Variants in LMX1A observed in about 807,000 individuals in gnomAD.
The protein encoded by LMX1A is LIM homeobox transcription factor 1 alpha, also known as LIM homeobox transcription factor 1-alpha.
LMX1A carries 15 observed loss-of-function variants against 49.1 expected under a neutral mutation model. That is an observed-to-expected ratio of 0.31 (90% CI 0.20 to 0.47). The LOEUF (loss-of-function observed/expected upper bound fraction) is 0.47, where lower values mean the gene tolerates loss of function less well. Ranked by LOEUF, LMX1A falls within the 20% of genes least tolerant of loss-of-function variation. The probability of loss-of-function intolerance (pLI) is 1.00; values close to 1 mark genes in which losing one functional copy is unlikely to be tolerated. For synonymous variants in LMX1A, 167 were observed against 185.7 expected, an observed-to-expected ratio of 0.90 and a Z score of 0.82; for missense variants, 372 against 475.8, an observed-to-expected ratio of 0.78 and a Z score of 2.03.
At chr1:165,251,536 G>T (rs563424775) in intron 3 of LMX1A, among the ~76,000 whole-genome samples, 1 of 152,244 alleles carries the variant, frequency 6.6e-6, no homozygotes, top group Admixed American at 6.5e-5. Context: ...CAGAAAGAAG[G>T]GGGCAGAGCC....
At chr1:165,239,776 TAAC>T (rs1202963011) in intron 4 of LMX1A, among the ~76,000 whole-genome samples, 1 of 152,178 alleles carries the variant, frequency 6.6e-6, no homozygotes, top group Non-Finnish European at 1.5e-5. Flanking sequence ...TTAATAAGAA[TAAC>T]AACAATAAAA....
intron 4 of LMX1A, among the ~76,000 whole-genome samples, chr1:165,217,348 A>G (rs1481118505): frequency 6.6e-6 from 1 of 152,148 alleles, no homozygotes; most frequent in South Asian, 2.1e-4. Context: ...ACATGTGTAC[A>G]TCCCCCAAAG....
intron 3 of LMX1A, among the ~76,000 whole-genome samples, chr1:165,318,544 G>T (rs1655287370): frequency 6.6e-6 from 1 of 152,140 alleles, no homozygotes; most frequent in African/African-American, 2.4e-5. Flanking sequence ...GGTTAACCCA[G>T]CTCACATCCT....
At chr1:165,222,773 G>A (rs960466785) in intron 4 of LMX1A, among the ~76,000 whole-genome samples, 2 of 152,218 alleles carry the variant, frequency 1.3e-5, no homozygotes, top group Non-Finnish European at 2.9e-5. Context: ...GCCTTCTGCT[G>A]GTTTGGAGAG....
chr1:165,349,619 T>C (rs1400006506), intron 3 of LMX1A, among the ~76,000 whole-genome samples: 1 of 96,658 alleles, frequency 1.0e-5, no homozygotes, highest in Admixed American at 9.6e-5. Context: ...CCTTAAATGC[T>C]TTTTTTTTGG....
chr1:165,220,893 T>C (rs1376771718), intron 4 of LMX1A, among the ~76,000 whole-genome samples: 5 of 152,188 alleles, frequency 3.3e-5, no homozygotes, highest in African/African-American at 1.2e-4. Context: ...TGGATAAAAT[T>C]CCTCATGTCT....
Position 165,351,143 on chromosome 1 carries a change from C to G in LMX1A, c.263+1933G>C, listed in dbSNP as rs1269491908. 2.0e-5 allele frequency among the ~76,000 whole-genome samples: 3 copies of G among 151,434 alleles called. No homozygotes were observed. The East Asian group carries it at 5.8e-4, about 29-fold the overall frequency. On this transcript the variant is annotated intron_variant, in intron 3 of 8. Coordinates refer to ENST00000342310, the MANE Select transcript of LMX1A (RefSeq NM_177398.4). ...TTGACTGGCCAGACAGCTGTGTTGA[C>G]CCTTAAGCCTTCTTTGATTCGTGAT...
chr1:165,221,944 C>CACACAA, intron 4 of LMX1A, among the ~76,000 whole-genome samples: 1 of 149,382 alleles, frequency 6.7e-6, no homozygotes, highest in East Asian at 2.0e-4. Context: ...CACACACACA[C>CACACAA]GCACACGCAC....
chr1:165,309,273 G>A (rs1655006958), intron 3 of LMX1A, among the ~76,000 whole-genome samples: 1 of 152,180 alleles, frequency 6.6e-6, no homozygotes, highest in Admixed American at 6.5e-5. Context: ...CTTGGATGCT[G>A]ATTTCCAAGT....
At chr1:165,334,316 C>G (rs550694890) in intron 3 of LMX1A, among the ~76,000 whole-genome samples, 2 of 152,334 alleles carry the variant, frequency 1.3e-5, no homozygotes, top group East Asian at 3.9e-4. Context: ...AATACAATCA[C>G]TGCTGTCTCC....
At chr1:165,243,075 C>T (rs1262605048) in intron 4 of LMX1A, among the ~76,000 whole-genome samples, 1 of 151,816 alleles carries the variant, frequency 6.6e-6, no homozygotes, top group African/African-American at 2.4e-5. Flanking sequence ...GAGGGTTATA[C>T]CAATGTTAAT....
chr1:165,257,348 C>T (rs1477690005), intron 3 of LMX1A, among the ~76,000 whole-genome samples: 1 of 151,900 alleles, frequency 6.6e-6, no homozygotes, highest in African/African-American at 2.4e-5. Context: ...ATGGCAGCCT[C>T]AGCTCATGAG....
intron 4 of LMX1A, among the ~76,000 whole-genome samples, chr1:165,243,522 T>C (rs1333591705): frequency 6.6e-6 from 1 of 152,238 alleles, no homozygotes; most frequent in East Asian, 1.9e-4. Flanking sequence ...CGTAGTATTT[T>C]CATAGATAGA....
intron 3 of LMX1A, among the ~76,000 whole-genome samples, chr1:165,265,906 T>C (rs557797863): frequency 8.9e-4 from 136 of 152,098 alleles, no homozygotes; most frequent in African/African-American, 3.2e-3. Context: ...TCATAGCACC[T>C]CCCGCAAAGA....
In LMX1A at chr1:165,352,459, C is replaced by A. The variant is rs114564438; in HGVS notation, c.263+617G>T. On this transcript the variant is annotated intron_variant, in intron 3 of 8. Transcript: ENST00000342310. ...TGCATCCGAGGGTTCTGCAGAAAACCAGGAAGGCGACAGTGAAAGGGCGAA... is the reference window on the plus strand; with the variant it reads ...TGCATCCGAGGGTTCTGCAGAAAACAAGGAAGGCGACAGTGAAAGGGCGAA... 6.8e-3 allele frequency among the ~76,000 whole-genome samples: 1,042 copies of A among 152,294 alleles called. 13 individuals carry two copies. The highest frequency in any genetic ancestry group is 0.024 in the African/African-American group (979 of 41,566).
At chr1:165,349,390 C>A (rs967149842) in intron 3 of LMX1A, among the ~76,000 whole-genome samples, 5 of 152,196 alleles carry the variant, frequency 3.3e-5, no homozygotes, top group African/African-American at 7.2e-5. Context: ...TTTTGATTGT[C>A]TGCTAACTTT....
At chr1:165,342,520 C>T (rs1043802887) in intron 3 of LMX1A, among the ~76,000 whole-genome samples, 1 of 151,924 alleles carries the variant, frequency 6.6e-6, no homozygotes, top group East Asian at 1.9e-4. Context: ...GGAAGAAGAG[C>T]TATGCTATAT....
At chr1:165,309,723 C>T (rs957877162) in intron 3 of LMX1A, among the ~76,000 whole-genome samples, 1 of 152,226 alleles carries the variant, frequency 6.6e-6, no homozygotes, top group Non-Finnish European at 1.5e-5. Context: ...GAACCACCCA[C>T]CTTCCCCATG....
At chr1:165,340,729 G>C (rs1414797113) in intron 3 of LMX1A, among the ~76,000 whole-genome samples, 1 of 152,124 alleles carries the variant, frequency 6.6e-6, no homozygotes, top group Non-Finnish European at 1.5e-5. Flanking sequence ...ACTTAGTATA[G>C]CATGTTCACA....
Sources: gnomAD v4.1 joint callset for allele counts (sites outside exome capture counted in the v4.1 genomes callset) on GRCh38, gnomAD v4.1.1 for gene constraint, MANE v1.5 for transcripts, NCBI Gene and HGNC (gene_info 2026-07-23, HGNC 2026-07-21) for gene names.